The following CYB5R4 variants were observed in gnomAD, a reference collection of about 807,000 sequenced individuals.
CYB5R4 encodes the protein N-terminal cytochrome b5 and cytochrome b5 oxidoreductase domain-containing protein.
In CYB5R4, 55 loss-of-function variants were observed where a neutral mutation model predicts 70.2. That is an observed-to-expected ratio of 0.78 (90% CI 0.63 to 0.98). The LOEUF is 0.98. Among genes scored for constraint, CYB5R4 ranks in the 50% least tolerant of loss-of-function variants. The pLI, the probability that CYB5R4 is intolerant of heterozygous loss-of-function variation, is 0.00. For missense variants in CYB5R4, 562 were observed against 612.6 expected (o/e 0.92, Z 0.87); for synonymous variants, 197 against 199.5 (o/e 0.99, Z 0.11).
intron 3 of CYB5R4, among the ~76,000 whole-genome samples, chr6:83,902,242 A>G (rs1197963777): frequency 1.3e-5 from 2 of 152,110 alleles, no homozygotes; most frequent in Admixed American, 6.6e-5. Context: ...GCATATGGAT[A>G]TCCAATTTTC....
chr6:83,871,150 T>C (rs944670790), intron 2 of CYB5R4, among the ~76,000 whole-genome samples: 1 of 151,944 alleles, frequency 6.6e-6, no homozygotes, highest in Non-Finnish European at 1.5e-5. Flanking sequence ...CTAATTTTTT[T>C]GTATTTTTAG....
chr6:83,895,448 G>C (rs1448310044), intron 3 of CYB5R4, among the ~76,000 whole-genome samples: 1 of 152,124 alleles, frequency 6.6e-6, no homozygotes, highest in East Asian at 1.9e-4. Context: ...TTATAGGTGT[G>C]AGCCATTGCG....
intron 3 of CYB5R4, among the ~76,000 whole-genome samples, chr6:83,908,432 A>G (rs916357063): frequency 6.6e-6 from 1 of 152,242 alleles, no homozygotes; most frequent in Non-Finnish European, 1.5e-5. Context: ...GGAAACCATC[A>G]TACTTTGTAG....
intron 2 of CYB5R4, among the ~76,000 whole-genome samples, chr6:83,890,001 A>G (rs2099460869): frequency 6.6e-6 from 1 of 152,192 alleles, no homozygotes; most frequent in Non-Finnish European, 1.5e-5. Context: ...ATTGAGGATT[A>G]CAATTCAACA....
rs543891101 is a variant in CYB5R4, at chr6:83,966,297, A to G, written c.*6419A>G. The G allele has an allele frequency of 6.6e-6, 1 of 152,360 alleles. No individual in the cohort carries two copies. Among genetic ancestry groups the G allele is most frequent in the South Asian group, 2.1e-4 (1 of 4,830 alleles). The allele number at this position is 152,360 out of a possible 1,614,324, so 9.4% of individuals were successfully genotyped here. A position where few individuals can be genotyped will look rare whatever the true frequency, so the allele number is the denominator to read the frequency against. On this transcript the variant is annotated 3_prime_UTR_variant, in exon 16 of 16. Transcript: ENST00000369681. ...TTGAACCATATCTCAGTAAAGATAT[A>G]AAAATGTTTTTGGGTACTAAGACTA...
At chr6:83,926,741 C>A (rs1221767825) in intron 10 of CYB5R4, among the ~76,000 whole-genome samples, 1 of 152,018 alleles carries the variant, frequency 6.6e-6, no homozygotes, top group Non-Finnish European at 1.5e-5. Context: ...GTGCAAACTT[C>A]TTATATTTTG....
At chr6:83,865,238 A>G (rs941919054) in intron 2 of CYB5R4, among the ~76,000 whole-genome samples, 6 of 152,186 alleles carry the variant, frequency 3.9e-5, no homozygotes, top group Admixed American at 3.9e-4. Context: ...TTTAAGAAGT[A>G]TGGTCACTTA....
intron 2 of CYB5R4, among the ~76,000 whole-genome samples, chr6:83,874,081 C>G (rs933191265): frequency 1.3e-5 from 2 of 149,148 alleles, no homozygotes; most frequent in Non-Finnish European, 3.0e-5. Context: ...ACACTTCTTT[C>G]AAAGACTTCC....
In CYB5R4 at chr6:83,959,908, T is replaced by C. The variant is rs776346644; in HGVS notation, c.*30T>C. 88 of 1,535,166 alleles carry C rather than the reference T, an allele frequency of 5.7e-5. No individual in the cohort carries two copies. Among genetic ancestry groups the C allele is most frequent in the Non-Finnish European group, 6.7e-5 (76 of 1,136,366 alleles). ...GAGCTGTCATTGTCCTTTATTCAAC[T>C]AGTTTATCTAAATTTGTGATTGCTT... On this transcript the variant is annotated 3_prime_UTR_variant, in exon 16 of 16. Transcript: ENST00000369681.
chr6:83,943,116 G>A (rs2099470023), intron 14 of CYB5R4, among the ~76,000 whole-genome samples: 2 of 152,290 alleles, frequency 1.3e-5, no homozygotes, highest in South Asian at 4.1e-4. Flanking sequence ...GCTCTGCTAA[G>A]TGACCGACTG....
chr6:83,868,361 A>G (rs1054513151), intron 2 of CYB5R4, among the ~76,000 whole-genome samples: 1 of 152,118 alleles, frequency 6.6e-6, no homozygotes, highest in Non-Finnish European at 1.5e-5. Context: ...CTTTTTTTGA[A>G]TAAGTAGCAG....
intron 3 of CYB5R4, 63 bp downstream of exon 3, chr6:83,893,685 A>G (rs777724940): frequency 2.1e-6 from 2 of 942,186 alleles, no homozygotes; most frequent in East Asian, 2.6e-5. Context: ...TATCAGTGTG[A>G]CATTTGTAGA....
chr6:83,893,049 G>A (rs1484216744), intron 2 of CYB5R4, among the ~76,000 whole-genome samples: 1 of 152,164 alleles, frequency 6.6e-6, no homozygotes, highest in African/African-American at 2.4e-5. Flanking sequence ...AGAAAGGACA[G>A]CTTTGCTTAC....
At chr6:83,950,366 G>T (rs1287455517) in intron 14 of CYB5R4, among the ~76,000 whole-genome samples, 1 of 152,210 alleles carries the variant, frequency 6.6e-6, no homozygotes, top group East Asian at 1.9e-4. Context: ...AACTAATTAT[G>T]TAAACTGAAA....
chr6:83,957,110 C>A (rs944716495), intron 15 of CYB5R4, among the ~76,000 whole-genome samples: 8 of 151,540 alleles, frequency 5.3e-5, no homozygotes, highest in Non-Finnish European at 7.4e-5. Context: ...TTTAGTTAAA[C>A]TCTCTCAACT....
At position 83,905,858 on chromosome 6, in the gene CYB5R4, G is replaced by A. The variant is rs146572420; in HGVS notation, c.331-3151G>A. 1.1e-3 allele frequency among the ~76,000 whole-genome samples: 162 copies of A among 152,194 alleles called. 1 individual carries two copies. The highest frequency in any genetic ancestry group is 1.4e-3 in the East Asian group (7 of 5,176). On this transcript the variant is annotated intron_variant, in intron 3 of 15. Coordinates refer to ENST00000369681, the MANE Select transcript of CYB5R4 (RefSeq NM_016230.4). ...GTTGGTGGAGGCTGTTATGGGCTGC[G>A]CAGGCCAGTCTCTAACCCTGCAGAT...
At chr6:83,871,828 C>T (rs1342857199) in intron 2 of CYB5R4, among the ~76,000 whole-genome samples, 1 of 150,774 alleles carries the variant, frequency 6.6e-6, no homozygotes, top group East Asian at 1.9e-4. Flanking sequence ...TATGATATAC[C>T]CTATATATCC....
intron 2 of CYB5R4, among the ~76,000 whole-genome samples, chr6:83,892,019 G>A (rs1282041852): frequency 2.0e-5 from 3 of 152,050 alleles, no homozygotes; most frequent in African/African-American, 7.2e-5. Flanking sequence ...AAGCCTATTG[G>A]GAGTAATTCT....
chr6:83,939,854 C>G (rs941358997), intron 12 of CYB5R4, among the ~76,000 whole-genome samples: 1 of 152,090 alleles, frequency 6.6e-6, no homozygotes, highest in African/African-American at 2.4e-5. Flanking sequence ...ATAATTCAGA[C>G]ATACTTAGGG....
Sources: gnomAD v4.1 joint callset for allele counts (sites outside exome capture counted in the v4.1 genomes callset) on GRCh38, gnomAD v4.1.1 for gene constraint, MANE v1.5 for transcripts, NCBI Gene and HGNC (gene_info 2026-07-23, HGNC 2026-07-21) for gene names.